Variants in NTM observed in about 807,000 individuals in gnomAD.
NTM encodes neurotrimin, also known as IgLON family member 2.
Under a neutral mutation model 42.1 loss-of-function variants are expected in NTM, and 13 were observed. That is an observed-to-expected ratio of 0.31 (90% CI 0.20 to 0.49). The LOEUF (loss-of-function observed/expected upper bound fraction) is 0.49, where lower values mean the gene tolerates loss of function less well. NTM is among the 20% of genes least tolerant of loss of function. NTM has a pLI of 0.99. For missense variants in NTM, 373 were observed against 452.8 expected (o/e 0.82, Z 1.60); for synonymous variants, 187 against 179.2 (o/e 1.04, Z -0.35).
chr11:132,141,304 C>A (rs2069101037), intron 2 of NTM, among the ~76,000 whole-genome samples: 2 of 151,748 alleles, frequency 1.3e-5, no homozygotes, highest in African/African-American at 4.8e-5. Context: ...CTTTTCTCAT[C>A]CTAAATCCAA....
chr11:132,075,569 T>G (rs1243121634), intron 2 of NTM, among the ~76,000 whole-genome samples: 1 of 152,192 alleles, frequency 6.6e-6, no homozygotes, highest in Non-Finnish European at 1.5e-5. Flanking sequence ...TCTGATGATC[T>G]CAGGTTCATA....
At chr11:132,245,514 G>A (rs1397462764) in intron 4 of NTM, among the ~76,000 whole-genome samples, 1 of 152,118 alleles carries the variant, frequency 6.6e-6, no homozygotes, top group Non-Finnish European at 1.5e-5. Context: ...TTTATGCACG[G>A]TGCCTTTTTA....
At chr11:131,592,915 G>A (rs1371684535) in intron 1 of NTM, among the ~76,000 whole-genome samples, 1 of 152,040 alleles carries the variant, frequency 6.6e-6, no homozygotes, top group Non-Finnish European at 1.5e-5. Context: ...CCAATCTCCG[G>A]CCACGTCTGG....
intron 1 of NTM, among the ~76,000 whole-genome samples, chr11:131,538,855 A>T (rs1307312657): frequency 6.6e-6 from 1 of 151,666 alleles, no homozygotes; most frequent in East Asian, 1.9e-4. Context: ...AATTGCTAAG[A>T]GAGTAAATTT....
At chr11:132,231,511 T>C (rs1265718001) in intron 4 of NTM, among the ~76,000 whole-genome samples, 1 of 152,204 alleles carries the variant, frequency 6.6e-6, no homozygotes, top group Non-Finnish European at 1.5e-5. Context: ...AGAAGTTTTA[T>C]TAAGGGAGCA....
intron 1 of NTM, among the ~76,000 whole-genome samples, chr11:131,805,145 C>T (rs1251997101): frequency 6.6e-6 from 1 of 152,170 alleles, no homozygotes; most frequent in Non-Finnish European, 1.5e-5. Context: ...AGAGGCCATC[C>T]TCACCATCTT....
intron 2 of NTM, among the ~76,000 whole-genome samples, chr11:132,043,666 T>C (rs566412216): frequency 1.3e-5 from 2 of 152,352 alleles, no homozygotes; most frequent in South Asian, 4.1e-4. Flanking sequence ...TCAAGCACAT[T>C]ATTCAAGTAT....
At chr11:132,159,000 G>C (rs957759220) in intron 3 of NTM, among the ~76,000 whole-genome samples, 3 of 152,226 alleles carry the variant, frequency 2.0e-5, no homozygotes, top group South Asian at 4.1e-4. Context: ...GGGTTTCACT[G>C]TGGAGGGGAT....
chr11:131,553,022 C>T (rs181710931), intron 1 of NTM, among the ~76,000 whole-genome samples: 1 of 152,244 alleles, frequency 6.6e-6, no homozygotes, highest in African/African-American at 2.4e-5. Context: ...GCTTGACATT[C>T]CATAACAGGC....
intron 1 of NTM, chr11:131,671,692 A>G (rs932898793): frequency 9.3e-6 from 7 of 752,284 alleles, no homozygotes; most frequent in African/African-American, 1.9e-5. Flanking sequence ...GGGCTAATTC[A>G]CAGGCCACTG....
chr11:131,437,203 A>G (rs901062564), intron 1 of NTM, among the ~76,000 whole-genome samples: 3 of 152,158 alleles, frequency 2.0e-5, no homozygotes, highest in Non-Finnish European at 2.9e-5. Flanking sequence ...TTTACTTTCA[A>G]CTATGTGGTC....
At chr11:131,847,457 G>A (rs865914803) in intron 1 of NTM, among the ~76,000 whole-genome samples, 2 of 152,148 alleles carry the variant, frequency 1.3e-5, no homozygotes, top group African/African-American at 2.4e-5. Context: ...ATCTGTGCAA[G>A]GATAGGTCCT....
chr11:131,998,521 T>C (rs1260896146), intron 2 of NTM, among the ~76,000 whole-genome samples: 1 of 152,214 alleles, frequency 6.6e-6, no homozygotes, highest in Non-Finnish European at 1.5e-5. Context: ...GCTGTTTTTA[T>C]GCATTTTACC....
chr11:131,590,498 A>C (rs529142716), intron 1 of NTM, among the ~76,000 whole-genome samples: 1 of 152,334 alleles, frequency 6.6e-6, no homozygotes, highest in Admixed American at 6.5e-5. Flanking sequence ...GAGGAAGTGC[A>C]CTGGACTGGT....
chr11:131,862,883 C>T (rs114377936), intron 1 of NTM, among the ~76,000 whole-genome samples: 406 of 152,306 alleles, frequency 2.7e-3, no homozygotes, highest in African/African-American at 9.0e-3. Flanking sequence ...GGTTGCTATC[C>T]TCCATGCCTC....
chr11:131,914,273 C>T (rs2055875656), intron 2 of NTM, among the ~76,000 whole-genome samples: 1 of 151,902 alleles, frequency 6.6e-6, no homozygotes, highest in Non-Finnish European at 1.5e-5. Context: ...GGACAGAGGA[C>T]CCTTCCTTCC....
chr11:132,319,306 G>T (rs188203577), intron 7 of NTM, among the ~76,000 whole-genome samples: 1 of 152,202 alleles, frequency 6.6e-6, no homozygotes, highest in Admixed American at 6.5e-5. Flanking sequence ...TGTGCGAGCC[G>T]AAGCATGGCA....
intron 3 of NTM, among the ~76,000 whole-genome samples, chr11:132,209,024 G>A (rs1367938719): frequency 6.6e-6 from 1 of 152,128 alleles, no homozygotes; most frequent in East Asian, 1.9e-4. Flanking sequence ...AAACGTATGG[G>A]TTGGTGTTGG....
chr11:132,237,488 C>A (rs997483799), intron 4 of NTM, among the ~76,000 whole-genome samples: 2 of 152,178 alleles, frequency 1.3e-5, no homozygotes, highest in South Asian at 4.1e-4. Flanking sequence ...GGGCCACTGA[C>A]CCCATCCAAA....
Sources: gnomAD v4.1 joint callset for allele counts (sites outside exome capture counted in the v4.1 genomes callset) on GRCh38, gnomAD v4.1.1 for gene constraint, MANE v1.5 for transcripts, NCBI Gene and HGNC (gene_info 2026-07-23, HGNC 2026-07-21) for gene names.